ACSL4: variants seen among roughly 807,000 people sequenced by gnomAD.
The protein encoded by ACSL4 is acyl-CoA synthetase long chain family member 4.
ACSL4 carries 9 observed loss-of-function variants against 49.1 expected under a neutral mutation model. That is an observed-to-expected ratio of 0.18 (90% CI 0.11 to 0.32). ACSL4 has a LOEUF of 0.32. ACSL4 is among the 10% of genes least tolerant of loss of function. The probability of loss-of-function intolerance (pLI) is 1.00; values close to 1 mark genes in which losing one functional copy is unlikely to be tolerated. For synonymous variants in ACSL4, 191 were observed against 170.3 expected, an observed-to-expected ratio of 1.12 and a Z score of -0.95; for missense variants, 333 against 493.7, an observed-to-expected ratio of 0.67 and a Z score of 3.08.
Position 109,643,926 on chromosome X carries a change from A to G in ACSL4, c.*103T>C. 1 of 941,060 alleles carries G rather than the reference A, an allele frequency of 1.1e-6. No homozygotes were observed. The highest frequency in any genetic ancestry group is 2.2e-5 in the Admixed American group (1 of 45,038). 77.6% of individuals were successfully genotyped at this position (941,060 alleles called of 1,213,427 possible). On this transcript the variant is annotated 3_prime_UTR_variant, in exon 16 of 16. Transcript: ENST00000672401. ...GTTTTCTTTTTACTCTATCTTTAGA[A>G]TGATATACCTTACATTCTAACAGTT...
intron 2 of ACSL4, among the ~76,000 whole-genome samples, chrX:109,694,111 G>A (rs767489006): frequency 1.8e-5 from 2 of 111,889 alleles, no homozygotes; most frequent in Non-Finnish European, 3.8e-5. Context: ...AGCTGAATTC[G>A]GTGACAGCTA....
intron 1 of ACSL4, among the ~76,000 whole-genome samples, chrX:109,724,032 C>T (rs957092177): frequency 3.6e-5 from 4 of 111,721 alleles, no homozygotes; most frequent in Non-Finnish European, 7.5e-5. Context: ...TAGTGGGTAC[C>T]TTTCTCTTAT....
chrX:109,646,518 GA>G (rs1447173860), intron 15 of ACSL4, among the ~76,000 whole-genome samples: 1 of 108,861 alleles, frequency 9.2e-6, no homozygotes, highest in Non-Finnish European at 1.9e-5. Flanking sequence ...GCTCCTGAAG[GA>G]AGTGCTAAAC....
intron 15 of ACSL4, among the ~76,000 whole-genome samples, chrX:109,652,420 T>C (rs1157066305): frequency 2.7e-5 from 3 of 111,375 alleles, no homozygotes; most frequent in Non-Finnish European, 5.7e-5. Context: ...TAGGATTTTA[T>C]TCTGCCTTCT....
At chrX:109,645,907 G>A (rs145197602) in intron 15 of ACSL4, among the ~76,000 whole-genome samples, 1 of 112,182 alleles carries the variant, frequency 8.9e-6, no homozygotes, top group Non-Finnish European at 1.9e-5. Context: ...CGATCAACTG[G>A]ATGAAAGGCT....
At chrX:109,683,549 T>C in intron 2 of ACSL4, 174 bp from the exon 3 acceptor site, 5 of 935,452 alleles carry the variant, frequency 5.3e-6, no homozygotes, top group Non-Finnish European at 7.7e-6. Context: ...AAAGCCTTAT[T>C]GTGCTGAAGA....
In ACSL4 at chrX:109,677,518, T is replaced by C. The variant is rs191845893; in HGVS notation, c.930+470A>G. On this transcript the variant is annotated intron_variant, in intron 8 of 15. Coordinates refer to ENST00000672401, the MANE Select transcript of ACSL4 (RefSeq NM_001318510.2). ...TTAAGGCTGGGCACAGTGGCTCACA[T>C]CTGTAATCCCAGCACTTTGGGAGGC... is the stretch of plus-strand genomic sequence containing the variant. 5.7e-3 allele frequency among the ~76,000 whole-genome samples: 629 copies of C among 110,694 alleles called. 6 individuals are homozygous for C. Among genetic ancestry groups the C allele is most frequent in the African/African-American group, 0.018 (542 of 30,554 alleles).
chrX:109,646,700 T>A (rs1359180535), intron 15 of ACSL4, among the ~76,000 whole-genome samples: 1 of 110,874 alleles, frequency 9.0e-6, no homozygotes, highest in Non-Finnish European at 1.9e-5. Context: ...ATGGACTAAA[T>A]GCTCCAATTA....
At chrX:109,691,840 C>T (rs1208301518) in intron 2 of ACSL4, among the ~76,000 whole-genome samples, 2 of 111,644 alleles carry the variant, frequency 1.8e-5, no homozygotes, top group Non-Finnish European at 3.8e-5. Context: ...AAACCTTAAG[C>T]TCAAATATAC....
At chrX:109,720,421 A>C (rs1199241255) in intron 1 of ACSL4, among the ~76,000 whole-genome samples, 2 of 111,915 alleles carry the variant, frequency 1.8e-5, no homozygotes, top group African/African-American at 6.5e-5. Flanking sequence ...ATAAATTTTT[A>C]AAAACCTGCT....
At chrX:109,716,423 A>G (rs886678379) in intron 1 of ACSL4, among the ~76,000 whole-genome samples, 3 of 112,521 alleles carry the variant, frequency 2.7e-5, no homozygotes, top group Non-Finnish European at 5.6e-5. Flanking sequence ...GGGGCAAGGA[A>G]AAGTATGCAA....
intron 1 of ACSL4, among the ~76,000 whole-genome samples, chrX:109,731,940 T>C (rs972952989): frequency 4.4e-5 from 5 of 112,643 alleles, no homozygotes; most frequent in Admixed American, 9.4e-5. Flanking sequence ...AAAGTCTTTC[T>C]TGTTAGAGAC....
At chrX:109,720,129 G>A (rs947134018) in intron 1 of ACSL4, among the ~76,000 whole-genome samples, 1 of 110,927 alleles carries the variant, frequency 9.0e-6, no homozygotes, top group African/African-American at 3.3e-5. Context: ...TGACCAGCCT[G>A]GCCAACATGT....
intron 14 of ACSL4, among the ~76,000 whole-genome samples, chrX:109,660,823 C>T (rs1192722291): frequency 9.0e-6 from 1 of 111,358 alleles, no homozygotes; most frequent in Non-Finnish European, 1.9e-5. Flanking sequence ...GGGAATTAAG[C>T]CAATCACAAA....
intron 1 of ACSL4, among the ~76,000 whole-genome samples, chrX:109,717,295 G>C (rs1282654695): frequency 9.1e-6 from 1 of 110,312 alleles, no homozygotes; most frequent in Non-Finnish European, 1.9e-5. Context: ...AGTAGTTCAA[G>C]ACCAACCTGA....
rs755440321 is a variant in ACSL4, at chrX:109,649,248, G to A, written c.1856-5062C>T. Among the ~76,000 whole-genome samples the A allele has an allele frequency of 4.6e-3, 512 of 111,253 alleles. 2 individuals carry two copies. The highest frequency in any genetic ancestry group is 0.015 in the African/African-American group (471 of 30,560). On this transcript the variant is annotated intron_variant, in intron 15 of 15. Coordinates refer to ENST00000672401, the MANE Select transcript of ACSL4 (RefSeq NM_001318510.2). ...TCCTAAGCCAAAAGAACAAAGCTGGGGGCATCACGCTACCTGACTTCAAAC... is the reference window on the plus strand; with the variant it reads ...TCCTAAGCCAAAAGAACAAAGCTGGAGGCATCACGCTACCTGACTTCAAAC...
Position 109,712,741 on chromosome X carries a change from G to A in ACSL4, c.-65-16545C>T, listed in dbSNP as rs374420679. The stretch of plus-strand genomic sequence containing the variant: ...TGTAGTCCCAGCTACTAAAGAGGTT[G>A]AGGTGGGCGGATCATGTGAGCCCAG... On this transcript the variant is annotated intron_variant, in intron 1 of 15. Transcript: ENST00000672401. Among the ~76,000 whole-genome samples the A allele has an allele frequency of 1.8e-4, 20 of 111,854 alleles. No individual in the cohort carries two copies. The East Asian group carries it at 5.4e-3, about 30-fold the overall frequency.
intron 1 of ACSL4, among the ~76,000 whole-genome samples, chrX:109,732,594 C>G (rs1319306456): frequency 8.9e-6 from 1 of 111,781 alleles, no homozygotes; most frequent in Non-Finnish European, 1.9e-5. Context: ...CCTAAGCCTA[C>G]GGAAGCTAGG....
intron 15 of ACSL4, among the ~76,000 whole-genome samples, chrX:109,649,886 C>G (rs1364519099): frequency 9.3e-6 from 1 of 107,339 alleles, no homozygotes; most frequent in African/African-American, 3.4e-5. Context: ...AGACACTTCT[C>G]AAAAGAAGAC....
Sources: gnomAD v4.1 joint callset for allele counts (sites outside exome capture counted in the v4.1 genomes callset) on GRCh38, gnomAD v4.1.1 for gene constraint, MANE v1.5 for transcripts, NCBI Gene and HGNC (gene_info 2026-07-23, HGNC 2026-07-21) for gene names.